ERC1: variants seen among roughly 807,000 people sequenced by gnomAD.
ERC1 encodes the protein ELKS/RAB6-interacting/CAST family member 1.
A neutral mutation model predicts 132.0 loss-of-function variants in ERC1; 56 were observed. The observed-to-expected ratio is 0.42, with a 90% CI of 0.34 to 0.53. The LOEUF (loss-of-function observed/expected upper bound fraction) is 0.53, where lower values mean the gene tolerates loss of function less well. ERC1 is among the 20% of genes least tolerant of loss of function. The pLI is 0.03. For synonymous variants in ERC1, 478 were observed against 476.1 expected, an observed-to-expected ratio of 1.00 and a Z score of -0.05; for missense variants, 1,202 against 1,349.9, an observed-to-expected ratio of 0.89 and a Z score of 1.72.
At chr12:1,412,273 C>T (rs770106325) in intron 17 of ERC1, among the ~76,000 whole-genome samples, 42 of 152,264 alleles carry the variant, frequency 2.8e-4, no homozygotes, top group Admixed American at 5.9e-4. Context: ...TTGAAATTGA[C>T]GATTTACCTT....
chr12:1,402,192 G>A (rs1299870622), intron 16 of ERC1, among the ~76,000 whole-genome samples: 1 of 152,208 alleles, frequency 6.6e-6, no homozygotes, highest in African/African-American at 2.4e-5. Flanking sequence ...TGCTGCTAAA[G>A]CAGTTCTTGG....
rs569349519 is a variant in ERC1 at position 1,304,835 on chromosome 12, G to C, written c.2780+14823G>C. 4.3e-3 allele frequency among the ~76,000 whole-genome samples: 569 copies of C among 133,088 alleles called. 4 individuals are homozygous for C. Among genetic ancestry groups the C allele is most frequent in the South Asian group, 8.9e-3 (36 of 4,040 alleles). 87.3% of individuals were successfully genotyped at this position (133,088 alleles called of 152,430 possible). A position where few individuals can be genotyped will look rare whatever the true frequency, so the allele number is the denominator to read the frequency against. On this transcript the variant is annotated intron_variant, in intron 15 of 18. Coordinates refer to ENST00000360905, the MANE Select transcript of ERC1 (RefSeq NM_178040.4). ...GACGGAGTCTCGCTCTGCTGCCCGG[G>C]CTGGAGTACAGTGGCGTGATCTCGG...
At chr12:1,400,916 A>ATTATTATTATTATTATTTTTT (rs2090981093) in intron 16 of ERC1, among the ~76,000 whole-genome samples, 1 of 15,040 alleles carries the variant, frequency 6.6e-5, no homozygotes, top group African/African-American at 3.1e-4. Flanking sequence ...CTATTTTTGT[A>ATTATTATTATTATTATTTTTT]TTTTTTTTTT....
At chr12:1,149,349 G>C (rs1368178437) in intron 8 of ERC1, among the ~76,000 whole-genome samples, 1 of 152,060 alleles carries the variant, frequency 6.6e-6, no homozygotes, top group Non-Finnish European at 1.5e-5. Context: ...GAGAAGATTA[G>C]TGCTTACAGC....
chr12:1,192,287 A>G (rs1955816662), intron 12 of ERC1, among the ~76,000 whole-genome samples: 1 of 152,200 alleles, frequency 6.6e-6, no homozygotes, highest in Non-Finnish European at 1.5e-5. Context: ...CTTGAATGCC[A>G]TTTTTATAAA....
intron 16 of ERC1, among the ~76,000 whole-genome samples, chr12:1,373,695 A>G (rs1441168388): frequency 6.6e-6 from 1 of 152,186 alleles, no homozygotes; most frequent in African/African-American, 2.4e-5. Context: ...CAGGAGAATC[A>G]CTTGAATCCA....
Position 1,183,326 on chromosome 12 carries a change from TC to T in ERC1, c.2063del (p.Ser688Ter). On this transcript the variant is annotated frameshift_variant, in exon 11 of 19. Coordinates refer to ENST00000360905, the MANE Select transcript of ERC1 (RefSeq NM_178040.4). LOFTEE classifies it high-confidence loss of function. ...LKEHASSLAS[S>X]GLKKDSRLKT... is the part of the protein sequence containing the mutation. ...AGAGCATGCTTCTTCTCTGGCATCC[TC>T]AGGACTGAAAAAGGACTCACGGCTT... The T allele has an allele frequency of 1.3e-6, 2 of 1,594,714 alleles. No individual in the cohort carries two copies. The highest frequency in any genetic ancestry group is 1.1e-5 in the South Asian group (1 of 88,054).
intron 2 of ERC1, among the ~76,000 whole-genome samples, chr12:1,039,291 C>T (rs1393602234): frequency 2.0e-5 from 3 of 149,674 alleles, no homozygotes; most frequent in Non-Finnish European, 3.0e-5. Context: ...CAGCCGAAAT[C>T]GCACCACTGC....
intron 15 of ERC1, among the ~76,000 whole-genome samples, chr12:1,340,432 C>G (rs1235848913): frequency 6.6e-6 from 1 of 152,192 alleles, no homozygotes; most frequent in Non-Finnish European, 1.5e-5. Context: ...ACGCGCTGCC[C>G]TTGCTTCTCT....
At chr12:1,049,593 A>C (rs753668277) in intron 2 of ERC1, among the ~76,000 whole-genome samples, 1 of 152,118 alleles carries the variant, frequency 6.6e-6, no homozygotes, top group Non-Finnish European at 1.5e-5. Context: ...GTGAACTGAA[A>C]TGTATTTGCC....
intron 1 of ERC1, among the ~76,000 whole-genome samples, chr12:992,637 T>C (rs946876790): frequency 1.3e-5 from 2 of 152,218 alleles, no homozygotes; most frequent in African/African-American, 2.4e-5. Context: ...TATGGAAATA[T>C]TAGAGTAAGC....
chr12:1,126,965 C>T (rs1274526159), intron 7 of ERC1, among the ~76,000 whole-genome samples: 9 of 128,764 alleles, frequency 7.0e-5, no homozygotes, highest in South Asian at 6.9e-4. Flanking sequence ...TCCAGCCTGG[C>T]GACAGAGTGA....
chr12:1,444,819 G>A, intron 18 of ERC1, 69 bp downstream of exon 18: 3 of 1,447,796 alleles, frequency 2.1e-6, no homozygotes, highest in Non-Finnish European at 1.9e-6. Flanking sequence ...TGATGCAGTG[G>A]GGGCTACCTT....
At chr12:990,578 C>T (rs1019349763), upstream of ERC1, 1 of 152,292 alleles carries the variant, frequency 6.6e-6, no homozygotes, top group Admixed American at 6.5e-5. Context: ...GACACGACGT[C>T]CATTGCTGGG....
intron 16 of ERC1, among the ~76,000 whole-genome samples, chr12:1,401,458 ATGTT>A (rs1480572950): frequency 5.9e-5 from 9 of 152,152 alleles, no homozygotes; most frequent in African/African-American, 1.7e-4. Flanking sequence ...CCTCTGGTGT[ATGTT>A]TGGAAATTCT....
At chr12:1,465,471 G>A (rs899620283) in intron 18 of ERC1, among the ~76,000 whole-genome samples, 1 of 152,216 alleles carries the variant, frequency 6.6e-6, no homozygotes, top group Non-Finnish European at 1.5e-5. Context: ...ACACCTGAAG[G>A]ATGTGAAGCT....
intron 14 of ERC1, among the ~76,000 whole-genome samples, chr12:1,271,446 T>C (rs2077847213): frequency 6.6e-6 from 1 of 152,184 alleles, no homozygotes; most frequent in Non-Finnish European, 1.5e-5. Flanking sequence ...GTATAATTTT[T>C]TGAGATGAGA....
intron 17 of ERC1, among the ~76,000 whole-genome samples, chr12:1,423,956 T>C (rs1349904546): frequency 6.6e-6 from 1 of 152,216 alleles, no homozygotes; most frequent in Non-Finnish European, 1.5e-5. Flanking sequence ...AGGTATTCAA[T>C]GAATACTTGT....
At chr12:1,333,512 T>A (rs867912485) in intron 15 of ERC1, among the ~76,000 whole-genome samples, 27 of 152,092 alleles carry the variant, frequency 1.8e-4, no homozygotes, top group African/African-American at 6.3e-4. Context: ...TTTGTATTTT[T>A]AGTAGAGACG....
Sources: allele counts gnomAD v4.1 joint callset (sites outside exome capture counted in the v4.1 genomes callset), GRCh38; gene constraint gnomAD v4.1.1; transcripts MANE v1.5; gene names NCBI Gene and HGNC (gene_info 2026-07-23, HGNC 2026-07-21).